The following PANK3 variants were observed in gnomAD, a reference collection of about 807,000 sequenced individuals.
PANK3 encodes hPanK3.
PANK3 carries 20 observed loss-of-function variants against 39.4 expected under a neutral mutation model. The observed-to-expected ratio is 0.51, with a 90% confidence interval of 0.36 to 0.74. The LOEUF is 0.74. Among genes scored for constraint, PANK3 ranks in the 30% least tolerant of loss-of-function variants. The pLI, the probability that PANK3 is intolerant of heterozygous loss-of-function variation, is 0.00. For missense variants in PANK3, 265 were observed against 437.0 expected (o/e 0.61, Z 3.51); for synonymous variants, 140 against 157.3 (o/e 0.89, Z 0.82).
At position 168,565,887 on chromosome 5, in the gene PANK3, T is replaced by TA. The variant is rs57306546; in HGVS notation, c.635+125_635+126insT. Reference sequence around the variant, plus strand: ...AAAAAAAATATATATATATATATATTTTTTTTTTTTGCTGTTGTGCAAATA... The same window carrying TA: ...AAAAAAAATATATATATATATATATTATTTTTTTTTTGCTGTTGTGCAAATA... On this transcript the variant is annotated intron_variant, in intron 3 of 6. Coordinates refer to ENST00000239231, the MANE Select transcript of PANK3 (RefSeq NM_024594.4). 4.3e-4 allele frequency: 63 copies of TA among 147,932 alleles called. 1 individual carries two copies. The highest frequency in any genetic ancestry group is 1.4e-3 in the East Asian group (4 of 2,808). 9.2% of individuals were successfully genotyped at this position (147,932 alleles called of 1,614,324 possible).
chr5:168,550,261 C>T lies in PANK3; in HGVS notation c.*7310G>A, dbSNP rs1256333824. On this transcript the variant is annotated 3_prime_UTR_variant, in exon 7 of 7. Coordinates refer to ENST00000239231, the MANE Select transcript of PANK3 (RefSeq NM_024594.4). The stretch of plus-strand genomic sequence containing the variant: ...CAGCTAAAGGCCAACGTTAAGTGTT[C>T]AGAACACATTTAAGATAGGCTAGGC... The T allele has an allele frequency of 2.0e-5, 3 of 152,164 alleles. No homozygotes were observed. The highest frequency in any genetic ancestry group is 4.4e-5 in the Non-Finnish European group (3 of 68,016). The allele number at this position is 152,164 out of a possible 1,614,324, so 9.4% of individuals were successfully genotyped here. A position where few individuals can be genotyped will look rare whatever the true frequency, so the allele number is the denominator to read the frequency against.
chr5:168,550,532 T>G lies in PANK3; in HGVS notation c.*7039A>C, dbSNP rs922929156. On this transcript the variant is annotated 3_prime_UTR_variant, in exon 7 of 7. Coordinates refer to ENST00000239231, the MANE Select transcript of PANK3 (RefSeq NM_024594.4). ...AAGTACAAACATTTTAATATACATA[T>G]AAAACCTTTCATATTACTTTAAGGT... is the stretch of plus-strand genomic sequence containing the variant. 5 of 152,196 alleles carry G rather than the reference T, an allele frequency of 3.3e-5. No individual in the cohort carries two copies. The highest frequency in any genetic ancestry group is 7.4e-5 in the Non-Finnish European group (5 of 68,012). 9.4% of individuals were successfully genotyped at this position (152,196 alleles called of 1,614,324 possible).
At chr5:168,565,947 A>G in intron 3 of PANK3, 66 bp downstream of exon 3, 1 of 1,451,776 alleles carries the variant, frequency 6.9e-7, no homozygotes, top group Non-Finnish European at 9.3e-7. Flanking sequence ...ACATTATTAT[A>G]CTGATTTCAT....
At chr5:168,571,488 C>A (rs538036865) in intron 1 of PANK3, among the ~76,000 whole-genome samples, 9 of 152,080 alleles carry the variant, frequency 5.9e-5, no homozygotes, top group Non-Finnish European at 1.0e-4. Flanking sequence ...AAGATTCCAT[C>A]CTAAAAATAT....
At position 168,561,312 on chromosome 5, in the gene PANK3, G is replaced by T. The variant is rs1011802626; in HGVS notation, c.936+81C>A. 1.7e-5 allele frequency: 22 copies of T among 1,294,322 alleles called. No homozygotes were observed. In the Admixed American group the frequency reaches 3.4e-4, roughly 20 times the overall value. 80.2% of individuals were successfully genotyped at this position (1,294,322 alleles called of 1,614,324 possible). On this transcript the variant is annotated intron_variant, in intron 5 of 6. Coordinates refer to ENST00000239231, the MANE Select transcript of PANK3 (RefSeq NM_024594.4). ...AATCCCAGAGGCCTCCTTAGGGAAA[G>T]TGAAGAAGCCCTGCTAGGTGTATAT...
At chr5:168,576,819 A>C (rs1759737868) in intron 1 of PANK3, among the ~76,000 whole-genome samples, 1 of 152,012 alleles carries the variant, frequency 6.6e-6, no homozygotes, top group Admixed American at 6.6e-5. Flanking sequence ...GTATTCAAAA[A>C]CAAAACAAAT....
In PANK3 at chr5:168,550,815, C is replaced by T. The variant is rs888516710; in HGVS notation, c.*6756G>A. 2 of 152,082 alleles carry T rather than the reference C, an allele frequency of 1.3e-5. No homozygotes were observed. The highest frequency in any genetic ancestry group is 2.4e-5 in the African/African-American group (1 of 41,418). 9.4% of individuals were successfully genotyped at this position (152,082 alleles called of 1,614,324 possible). A position where few individuals can be genotyped will look rare whatever the true frequency, so the allele number is the denominator to read the frequency against. On this transcript the variant is annotated 3_prime_UTR_variant, in exon 7 of 7. Coordinates refer to ENST00000239231, the MANE Select transcript of PANK3 (RefSeq NM_024594.4). ...CCCTGAAAACTGACTCATTTCCCATCATAACAAACCAACTCCCTCATTTTA... is the reference window on the plus strand; with the variant it reads ...CCCTGAAAACTGACTCATTTCCCATTATAACAAACCAACTCCCTCATTTTA...
chr5:168,572,110 CTTTTT>C (rs34970571), intron 1 of PANK3, among the ~76,000 whole-genome samples: 1 of 101,300 alleles, frequency 9.9e-6, no homozygotes, highest in African/African-American at 3.5e-5. Context: ...CAACATAGGC[CTTTTT>C]TTTTTTTTTT....
At position 168,553,092 on chromosome 5, in the gene PANK3, C is replaced by T. The variant is rs2113097327; in HGVS notation, c.*4479G>A. Reference sequence around the variant, plus strand: ...CTTCCTTTCTGTTAATGAGCAAAAACTTACGACTTCCAGGGCAAAATGGAA... The same window carrying T: ...CTTCCTTTCTGTTAATGAGCAAAAATTTACGACTTCCAGGGCAAAATGGAA... On this transcript the variant is annotated 3_prime_UTR_variant, in exon 7 of 7. Transcript: ENST00000239231. 2.6e-5 allele frequency: 11 copies of T among 424,952 alleles called. No homozygotes were observed. The highest frequency in any genetic ancestry group is 2.1e-4 in the South Asian group (11 of 52,126). 26.3% of individuals were successfully genotyped at this position (424,952 alleles called of 1,614,324 possible). A position where few individuals can be genotyped will look rare whatever the true frequency, so the allele number is the denominator to read the frequency against.
chr5:168,562,492 G>A (rs368440276), intron 4 of PANK3, among the ~76,000 whole-genome samples: 213 of 152,274 alleles, frequency 1.4e-3, no homozygotes, highest in African/African-American at 5.0e-3. Flanking sequence ...ACTGAAGAGT[G>A]AGACAAAGTC....
intron 6 of PANK3, among the ~76,000 whole-genome samples, chr5:168,558,255 G>A (rs1759384807): frequency 6.6e-6 from 1 of 151,766 alleles, no homozygotes; most frequent in African/African-American, 2.4e-5. Flanking sequence ...CGCCCCCTGG[G>A]GTTCACACCA....
intron 1 of PANK3, among the ~76,000 whole-genome samples, chr5:168,577,752 A>G (rs1007765969): frequency 6.6e-6 from 1 of 152,218 alleles, no homozygotes; most frequent in African/African-American, 2.4e-5. Flanking sequence ...TCAAATCACT[A>G]TCATGACAAA....
At position 168,549,746 on chromosome 5, in the gene PANK3, A is replaced by AG. The variant is rs1759247522; in HGVS notation, c.*7824_*7825insC. The AG allele has an allele frequency of 6.6e-6, 1 of 152,182 alleles. No homozygotes were observed. The highest frequency in any genetic ancestry group is 6.5e-5 in the Admixed American group (1 of 15,278). The allele number at this position is 152,182 out of a possible 1,614,324, so 9.4% of individuals were successfully genotyped here. A position where few individuals can be genotyped will look rare whatever the true frequency, so the allele number is the denominator to read the frequency against. ...AAATCCCAGTATCAGCTCATAGTAC[A>AG]TTCATTCGTTCATTCATTCATTCAT... On this transcript the variant is annotated 3_prime_UTR_variant, in exon 7 of 7. Coordinates refer to ENST00000239231, the MANE Select transcript of PANK3 (RefSeq NM_024594.4).
intron 1 of PANK3, among the ~76,000 whole-genome samples, chr5:168,572,806 C>G (rs531701999): frequency 6.6e-6 from 1 of 152,018 alleles, no homozygotes; most frequent in African/African-American, 2.4e-5. Flanking sequence ...AGTGTTGGAG[C>G]AGCAAAAAAC....
At chr5:168,573,445 A>AAAAAAAAAAAAAAAAAAAC (rs1759680040) in intron 1 of PANK3, among the ~76,000 whole-genome samples, 1 of 145,428 alleles carries the variant, frequency 6.9e-6, no homozygotes, top group African/African-American at 2.5e-5. Flanking sequence ...AAAAAAAAAA[A>AAAAAAAAAAAAAAAAAAAC]AGGCACAAAG....
Position 168,566,003 on chromosome 5 carries a change from A to T in PANK3, c.635+10T>A. On this transcript the variant is annotated intron_variant, in intron 3 of 6. Coordinates refer to ENST00000239231, the MANE Select transcript of PANK3 (RefSeq NM_024594.4). Reference sequence around the variant, plus strand: ...TGTGAATGCAGCAATACAACCAAAAAGGTCACTACCTTGTCCCAGTCACTC... The same window carrying T: ...TGTGAATGCAGCAATACAACCAAAATGGTCACTACCTTGTCCCAGTCACTC... 1.9e-6 allele frequency: 3 copies of T among 1,595,964 alleles called. No individual in the cohort carries two copies. Among genetic ancestry groups the T allele is most frequent in the East Asian group, 2.3e-5 (1 of 44,350 alleles).
intron 1 of PANK3, among the ~76,000 whole-genome samples, chr5:168,576,353 C>A (rs1283650906): frequency 6.6e-6 from 1 of 152,216 alleles, no homozygotes; most frequent in Non-Finnish European, 1.5e-5. Context: ...ACATGTATCA[C>A]CTTTTACTAT....
chr5:168,572,698 T>C (rs1032514674), intron 1 of PANK3, among the ~76,000 whole-genome samples: 5 of 152,216 alleles, frequency 3.3e-5, no homozygotes, highest in Non-Finnish European at 1.5e-5. Context: ...GATGTATATG[T>C]GCAAGTCACA....
chr5:168,568,117 T>C (rs1157327110), intron 2 of PANK3, among the ~76,000 whole-genome samples: 2 of 152,040 alleles, frequency 1.3e-5, no homozygotes, highest in Non-Finnish European at 2.9e-5. Context: ...GCCAGATCCA[T>C]TCAAATCACC....
Sources: gnomAD v4.1 joint callset for allele counts (sites outside exome capture counted in the v4.1 genomes callset) on GRCh38, gnomAD v4.1.1 for gene constraint, MANE v1.5 for transcripts, NCBI Gene and HGNC (gene_info 2026-07-23, HGNC 2026-07-21) for gene names.